The following IL20RB variants were observed in gnomAD, a reference collection of about 807,000 sequenced individuals.
The protein encoded by IL20RB is interleukin-20 receptor subunit beta.
A neutral mutation model predicts 33.3 loss-of-function variants in IL20RB; 21 were observed. The ratio of observed to expected loss-of-function variants is 0.63; its 90% confidence interval spans 0.45 to 0.91. The LOEUF (loss-of-function observed/expected upper bound fraction) is 0.91. Among genes scored for constraint, IL20RB ranks in the 40% least tolerant of loss-of-function variants. IL20RB has a pLI of 0.00. For missense variants in IL20RB, 345 were observed against 384.8 expected (o/e 0.90, Z 0.86); for synonymous variants, 147 against 146.8 (o/e 1.00, Z -0.01).
intron 4 of IL20RB, among the ~76,000 whole-genome samples, chr3:136,991,152 G>A (rs1454590563): frequency 6.6e-6 from 1 of 152,172 alleles, no homozygotes; most frequent in Admixed American, 6.5e-5. Context: ...TGCTGCCCGT[G>A]GCTCCACTGC....
intron 3 of IL20RB, 21 bp downstream of exon 3, chr3:136,982,371 C>A (rs1272663121): frequency 3.3e-6 from 5 of 1,522,146 alleles, no homozygotes; most frequent in Non-Finnish European, 4.5e-6. Context: ...TCTCTCCTTA[C>A]ACTCCCACCC....
At chr3:136,963,088 G>C (rs1340570353) in intron 1 of IL20RB, among the ~76,000 whole-genome samples, 1 of 152,134 alleles carries the variant, frequency 6.6e-6, no homozygotes. Flanking sequence ...CAGTTAATCT[G>C]TTCATCATAT....
Position 137,010,484 on chromosome 3 carries a change from C to A in IL20RB, c.*261C>A. The A allele has an allele frequency of 2.6e-6, 1 of 386,302 alleles. No homozygotes were observed. Among genetic ancestry groups the A allele is most frequent in the South Asian group, 4.7e-5 (1 of 21,148 alleles). 23.9% of individuals were successfully genotyped at this position (386,302 alleles called of 1,614,324 possible). A position where few individuals can be genotyped will look rare whatever the true frequency, so the allele number is the denominator to read the frequency against. ...GCAACCCTGGGAAAAGTGACTTCATCCCTTCGGTCCTAAGTTTTCTCATCT... is the reference window on the plus strand; with the variant it reads ...GCAACCCTGGGAAAAGTGACTTCATACCTTCGGTCCTAAGTTTTCTCATCT... On this transcript the variant is annotated 3_prime_UTR_variant, in exon 7 of 7. Transcript: ENST00000329582.
At chr3:136,976,236 T>TGGGCTTGTGC (rs1021625492) in intron 1 of IL20RB, among the ~76,000 whole-genome samples, 2 of 152,084 alleles carry the variant, frequency 1.3e-5, no homozygotes, top group African/African-American at 4.8e-5. Flanking sequence ...CTGGGTTGGG[T>TGGGCTTGTGC]GGGCTTGTGC....
chr3:136,973,076 T>G (rs1279200104), intron 1 of IL20RB, among the ~76,000 whole-genome samples: 1 of 152,192 alleles, frequency 6.6e-6, no homozygotes, highest in African/African-American at 2.4e-5. Context: ...TCATGTTGTT[T>G]AATTTCCATG....
chr3:136,977,853 G>A (rs1941664336), intron 1 of IL20RB, among the ~76,000 whole-genome samples: 1 of 152,116 alleles, frequency 6.6e-6, no homozygotes, highest in African/African-American at 2.4e-5. Flanking sequence ...TTAAGATTCT[G>A]TGGGACTTTT....
chr3:136,975,287 T>C (rs971273272), intron 1 of IL20RB, among the ~76,000 whole-genome samples: 1 of 152,206 alleles, frequency 6.6e-6, no homozygotes, highest in Non-Finnish European at 1.5e-5. Flanking sequence ...TTCCTGAAGA[T>C]GTATCTGTGG....
In IL20RB at chr3:136,980,584, A is replaced by G; in HGVS notation, c.207A>G (p.Glu69=). 3 of 1,614,186 alleles carry G rather than the reference A, an allele frequency of 1.9e-6. No individual in the cohort carries two copies. Among genetic ancestry groups the G allele is most frequent in the Non-Finnish European group, 2.5e-6 (3 of 1,180,030 alleles). ...APGETVYYSV[E]YQGEYESLYT... is the part of the protein sequence containing the mutation. The stretch of plus-strand genomic sequence containing the variant: ...GAGAAACAGTGTACTATTCTGTCGA[A>G]TACCAGGGGTGAGTTTTTTCTTTTA... Residue 69 remains glutamate, a synonymous_variant, in exon 2 of 7, where the codon GAA becomes GAG. Transcript: ENST00000329582.
At chr3:137,001,986 CA>C (rs1312597829) in intron 6 of IL20RB, among the ~76,000 whole-genome samples, 2 of 152,170 alleles carry the variant, frequency 1.3e-5, no homozygotes, top group Non-Finnish European at 2.9e-5. Flanking sequence ...CAAGTGATCT[CA>C]TTGTTCAATT....
intron 6 of IL20RB, among the ~76,000 whole-genome samples, chr3:136,997,253 C>A (rs1264774366): frequency 6.6e-6 from 1 of 152,032 alleles, no homozygotes. Flanking sequence ...CCACCACACC[C>A]ATCTAATTTT....
intron 1 of IL20RB, among the ~76,000 whole-genome samples, chr3:136,961,690 A>G (rs1385227535): frequency 6.6e-6 from 1 of 152,188 alleles, no homozygotes; most frequent in African/African-American, 2.4e-5. Context: ...AAATTCAAAT[A>G]AAGTCTGGAG....
At chr3:136,987,639 G>T (rs994187422) in intron 3 of IL20RB, among the ~76,000 whole-genome samples, 2 of 152,218 alleles carry the variant, frequency 1.3e-5, no homozygotes, top group African/African-American at 4.8e-5. Flanking sequence ...GGAGCAGGGG[G>T]TGGCGCTCAT....
rs750563889 is a variant in IL20RB at position 136,992,006 on chromosome 3, A to G, written c.600A>G (p.Ala200=). 6.2e-7 allele frequency: 1 copy of G among 1,614,242 alleles called. No individual in the cohort carries two copies. Among genetic ancestry groups the G allele is most frequent in the Admixed American group, 1.7e-5 (1 of 60,036 alleles). ...VHLETMEPGA[A]YCVKAQTFVK... ...TAGAAACCATGGAGCCAGGGGCTGC[A>G]TACTGTGTGAAGGCCCAGACATTCG... is the stretch of plus-strand genomic sequence containing the variant. Residue 200 remains alanine, a synonymous_variant, in exon 5 of 7, where the codon GCA becomes GCG. Coordinates refer to ENST00000329582, the MANE Select transcript of IL20RB (RefSeq NM_144717.4).
intron 5 of IL20RB, among the ~76,000 whole-genome samples, chr3:136,992,477 C>A (rs1021724471): frequency 1.3e-5 from 2 of 152,188 alleles, no homozygotes; most frequent in Non-Finnish European, 2.9e-5. Context: ...AACACCACAG[C>A]CTTCTTCATC....
At chr3:136,991,277 C>T (rs1296042223) in intron 4 of IL20RB, among the ~76,000 whole-genome samples, 1 of 152,212 alleles carries the variant, frequency 6.6e-6, no homozygotes, top group Non-Finnish European at 1.5e-5. Context: ...AAGATGGTGC[C>T]TCCTCGTTAC....
intron 6 of IL20RB, among the ~76,000 whole-genome samples, chr3:136,999,018 C>A (rs1300469653): frequency 1.3e-5 from 2 of 152,044 alleles, no homozygotes; most frequent in African/African-American, 4.8e-5. Context: ...ATTTATCTTG[C>A]TTATAGTATA....
At chr3:136,977,503 T>C (rs1941648524) in intron 1 of IL20RB, among the ~76,000 whole-genome samples, 1 of 152,192 alleles carries the variant, frequency 6.6e-6, no homozygotes, top group South Asian at 2.1e-4. Context: ...AATTTCTGTG[T>C]ATGTGTTTGT....
chr3:136,988,747 A>G (rs755171463), intron 3 of IL20RB, among the ~76,000 whole-genome samples: 2 of 152,070 alleles, frequency 1.3e-5, no homozygotes, highest in African/African-American at 2.4e-5. Context: ...CCTGTCTGAA[A>G]AAAAAAGAAA....
chr3:136,979,191 C>A (rs1257522984), intron 1 of IL20RB, among the ~76,000 whole-genome samples: 1 of 152,122 alleles, frequency 6.6e-6, no homozygotes, highest in African/African-American at 2.4e-5. Context: ...AGGAAGACTG[C>A]CTTGTGGGTG....
Sources: gnomAD v4.1 joint callset for allele counts (sites outside exome capture counted in the v4.1 genomes callset) on GRCh38, gnomAD v4.1.1 for gene constraint, MANE v1.5 for transcripts, NCBI Gene and HGNC (gene_info 2026-07-23, HGNC 2026-07-21) for gene names.